The following DPP4 variants were observed in gnomAD, a reference collection of about 807,000 sequenced individuals.
DPP4 encodes ADCP-2.
In DPP4, 93 loss-of-function variants were observed where a neutral mutation model predicts 122.4. The observed-to-expected ratio is 0.76, with a 90% CI of 0.64 to 0.90. The LOEUF (loss-of-function observed/expected upper bound fraction) is 0.90, where lower values mean the gene tolerates loss of function less well. Among genes scored for constraint, DPP4 ranks in the 40% least tolerant of loss-of-function variants. DPP4 has a pLI of 0.00. For missense variants in DPP4, 914 were observed against 907.3 expected, an observed-to-expected ratio of 1.01 and a Z score of -0.09; for synonymous variants, 321 against 302.9, an observed-to-expected ratio of 1.06 and a Z score of -0.62.
chr2:162,003,358 T>C (rs1229833270), intron 23 of DPP4, among the ~76,000 whole-genome samples: 1 of 151,902 alleles, frequency 6.6e-6, no homozygotes, highest in African/African-American at 2.4e-5. Context: ...GACTGGAAAT[T>C]TATGCAGGTT....
chr2:162,030,141 T>C (rs1218238247), intron 10 of DPP4, among the ~76,000 whole-genome samples: 1 of 152,250 alleles, frequency 6.6e-6, no homozygotes, highest in Non-Finnish European at 1.5e-5. Context: ...TTAGGAGATT[T>C]ATGATTTTAC....
chr2:162,073,872 A>C, intron 1 of DPP4, 104 bp downstream of exon 1: 1 of 1,496,508 alleles, frequency 6.7e-7, no homozygotes, highest in Non-Finnish European at 9.1e-7. Flanking sequence ...CTTCCGCCTA[A>C]GGGGAGTCCC....
chr2:162,049,030 G>A (rs1421957043), intron 2 of DPP4, among the ~76,000 whole-genome samples: 1 of 152,240 alleles, frequency 6.6e-6, no homozygotes, highest in Admixed American at 6.5e-5. Context: ...TGATAAAAGA[G>A]CTTAAAGTAT....
In DPP4 at chr2:161,993,179, A is replaced by C. The variant is rs201409409; in HGVS notation, c.*104T>G. The stretch of plus-strand genomic sequence containing the variant: ...AGGTAACCTTAAGTTTCTTGATTTG[A>C]GTGTGTATTTTAAAGATCATCATCA... On this transcript the variant is annotated 3_prime_UTR_variant, in exon 26 of 26. Coordinates refer to ENST00000360534, the MANE Select transcript of DPP4 (RefSeq NM_001935.4). 4.1e-5 allele frequency: 36 copies of C among 887,862 alleles called. No individual in the cohort carries two copies. The highest frequency in any genetic ancestry group is 6.3e-5 in the Non-Finnish European group (35 of 555,330). 55.0% of individuals were successfully genotyped at this position (887,862 alleles called of 1,614,324 possible). A position where few individuals can be genotyped will look rare whatever the true frequency, so the allele number is the denominator to read the frequency against.
intron 2 of DPP4, among the ~76,000 whole-genome samples, chr2:162,067,894 G>GA (rs1304767600): frequency 6.6e-6 from 1 of 152,140 alleles, no homozygotes; most frequent in Non-Finnish European, 1.5e-5. Context: ...CCATTCATGG[G>GA]AACCAGCAGG....
intron 11 of DPP4, 80 bp from the exon 12 acceptor site, chr2:162,022,879 A>G: frequency 7.3e-7 from 1 of 1,372,310 alleles, no homozygotes; most frequent in Non-Finnish European, 1.0e-6. Context: ...GGTAATATAA[A>G]TAGAGCTGTA....
chr2:162,063,391 T>TGAG (rs1244684244), intron 2 of DPP4, among the ~76,000 whole-genome samples: 1 of 152,072 alleles, frequency 6.6e-6, no homozygotes, highest in Non-Finnish European at 1.5e-5. Context: ...AAATGGTATT[T>TGAG]GAGGCCATGG....
intron 15 of DPP4, 75 bp downstream of exon 15, chr2:162,019,148 A>C: frequency 7.3e-7 from 1 of 1,370,238 alleles, no homozygotes; most frequent in Non-Finnish European, 1.0e-6. Context: ...AGGACAAGGC[A>C]AAAAATAAAA....
intron 1 of DPP4, 69 bp from the exon 2 acceptor site, chr2:162,073,555 G>T: frequency 6.6e-7 from 1 of 1,507,138 alleles, no homozygotes; most frequent in Non-Finnish European, 9.2e-7. Context: ...GGAGGGTCGG[G>T]GCTGCTCCAG....
At chr2:162,047,352 A>T in intron 3 of DPP4, 51 bp downstream of exon 3, 1 of 1,082,846 alleles carries the variant, frequency 9.2e-7, no homozygotes, top group South Asian at 1.7e-5. Context: ...ATCTCGACTT[A>T]ACTAGAATGA....
chr2:162,024,954 G>A lies in DPP4; in HGVS notation c.888-15C>T, dbSNP rs771870945. On this transcript the variant is annotated splice_polypyrimidine_tract_variant and intron_variant, in intron 10 of 25. Transcript: ENST00000360534. The stretch of plus-strand genomic sequence containing the variant: ...AGTAGTGATCCCTGGAAGGAAGAAA[G>A]AAAGGAAGGACAGAGAGAGAGAATG... 4 of 1,610,952 alleles carry A rather than the reference G, an allele frequency of 2.5e-6. No homozygotes were observed. The East Asian group carries it at 8.9e-5, about 36-fold the overall frequency.
intron 23 of DPP4, among the ~76,000 whole-genome samples, chr2:161,997,642 C>T (rs190451440): frequency 1.3e-5 from 2 of 152,292 alleles, no homozygotes; most frequent in Admixed American, 1.3e-4. Context: ...TATCCATACA[C>T]CATACCATTC....
At chr2:161,995,110 CAAG>C in intron 24 of DPP4, 76 bp from the exon 25 acceptor site, 1 of 1,522,894 alleles carries the variant, frequency 6.6e-7, no homozygotes, top group Admixed American at 1.7e-5. Context: ...GGGAAAGGCA[CAAG>C]AAGAAAGGGA....
chr2:162,040,974 C>T (rs748666170), intron 5 of DPP4, among the ~76,000 whole-genome samples: 2 of 151,928 alleles, frequency 1.3e-5, no homozygotes, highest in Non-Finnish European at 2.9e-5. Flanking sequence ...AGGAGTTTCA[C>T]ATGGTATCAT....
At chr2:162,073,044 T>G (rs1861976) in intron 2 of DPP4, among the ~76,000 whole-genome samples, 42,728 of 151,864 alleles carry the variant, frequency 0.28, 6,450 homozygotes, top group Non-Finnish European at 0.34. Context: ...TTTTTCCTTT[T>G]TCGATCACAC....
chr2:162,063,482 G>A (rs1684850558), intron 2 of DPP4, among the ~76,000 whole-genome samples: 1 of 152,098 alleles, frequency 6.6e-6, no homozygotes, highest in Non-Finnish European at 1.5e-5. Context: ...AGAAGTTGAA[G>A]ACATCAGGAA....
intron 11 of DPP4, among the ~76,000 whole-genome samples, chr2:162,023,824 C>T (rs1004105476): frequency 3.3e-5 from 5 of 152,252 alleles, no homozygotes; most frequent in Middle Eastern, 3.2e-3. Flanking sequence ...CGTTGATCCT[C>T]AGCTTCCACA....
Position 162,046,655 on chromosome 2 carries a change from A to C in DPP4, c.285+260T>G, listed in dbSNP as rs1441838363. On this transcript the variant is annotated intron_variant, in intron 4 of 25. Coordinates refer to ENST00000360534, the MANE Select transcript of DPP4 (RefSeq NM_001935.4). The stretch of plus-strand genomic sequence containing the variant: ...GAAATTCACCAAAGGAGAGCATGCA[A>C]AGTGAAGAGGGAGGCAAATGAAGAT... 7.3e-6 allele frequency: 4 copies of C among 549,740 alleles called. No homozygotes were observed. The African/African-American group carries it at 7.5e-5, about 10-fold the overall frequency. The allele number at this position is 549,740 out of a possible 1,614,324, so 34.1% of individuals were successfully genotyped here. A position where few individuals can be genotyped will look rare whatever the true frequency, so the allele number is the denominator to read the frequency against.
intron 23 of DPP4, 66 bp from the exon 24 acceptor site, chr2:161,995,438 A>G: frequency 6.9e-7 from 1 of 1,452,342 alleles, no homozygotes; most frequent in Non-Finnish European, 9.6e-7. Flanking sequence ...TTTTCACTTC[A>G]GTTTACAAAA....
Sources: allele counts gnomAD v4.1 joint callset (sites outside exome capture counted in the v4.1 genomes callset), GRCh38; gene constraint gnomAD v4.1.1; transcripts MANE v1.5; gene names NCBI Gene and HGNC (gene_info 2026-07-23, HGNC 2026-07-21).